The following RBM33 variants were observed in gnomAD, a reference collection of about 807,000 sequenced individuals.
The protein encoded by RBM33 is RNA-binding protein 33.
In RBM33, 28 loss-of-function variants were observed where a neutral mutation model predicts 132.6. That is an observed-to-expected ratio of 0.21 (90% confidence interval 0.16 to 0.29). The LOEUF (loss-of-function observed/expected upper bound fraction) is 0.29. Ranked by LOEUF, RBM33 falls within the 10% of genes least tolerant of loss-of-function variation. RBM33 has a pLI of 1.00. For missense variants in RBM33, 1,291 were observed against 1,518.5 expected (o/e 0.85, Z 2.49); for synonymous variants, 634 against 593.0 (o/e 1.07, Z -1.01).
intron 1 of RBM33, among the ~76,000 whole-genome samples, chr7:155,652,030 A>T (rs1014015573): frequency 6.6e-6 from 1 of 152,238 alleles, no homozygotes; most frequent in African/African-American, 2.4e-5. Flanking sequence ...TGTAAGGCTC[A>T]TATGTTCACT....
intron 9 of RBM33, among the ~76,000 whole-genome samples, chr7:155,730,220 C>A (rs916992436): frequency 6.6e-6 from 1 of 152,156 alleles, no homozygotes; most frequent in Non-Finnish European, 1.5e-5. Flanking sequence ...GGATTGGAGA[C>A]ATTCAAGAGA....
intron 3 of RBM33, among the ~76,000 whole-genome samples, chr7:155,676,052 G>A (rs1799176328): frequency 6.6e-6 from 1 of 152,100 alleles, no homozygotes; most frequent in Non-Finnish European, 1.5e-5. Flanking sequence ...TTCACATGAT[G>A]AGTACACTGG....
Position 155,773,203 on chromosome 7 carries a change from T to G in RBM33, c.3376-1356T>G, listed in dbSNP as rs10264279. 3.3e-5 allele frequency among the ~76,000 whole-genome samples: 5 copies of G among 152,198 alleles called. No homozygotes were observed. The South Asian group carries it at 8.3e-4, about 25-fold the overall frequency. ...GTTTCTGGCCACCAAAAGTGCCTGCTGAATGCAGTCCTTCAGGACAGTGTT... is the reference window on the plus strand; with the variant it reads ...GTTTCTGGCCACCAAAAGTGCCTGCGGAATGCAGTCCTTCAGGACAGTGTT... On this transcript the variant is annotated intron_variant, in intron 16 of 17. Transcript: ENST00000401878.
At position 155,748,781 on chromosome 7, in the gene RBM33, T is replaced by C. The variant is rs190593612; in HGVS notation, c.2979+3179T>C. On this transcript the variant is annotated intron_variant, in intron 14 of 17. Coordinates refer to ENST00000401878, the MANE Select transcript of RBM33 (RefSeq NM_053043.3). ...CTTTCTTGGTGGTCCCCTTTGTGGC[T>C]GCTGCTGCAGTATGCGTGTGCATAG... Among the ~76,000 whole-genome samples the C allele has an allele frequency of 1.4e-3, 213 of 152,220 alleles. 4 individuals are homozygous for C. The highest frequency in any genetic ancestry group is 4.9e-3 in the African/African-American group (204 of 41,528).
intron 2 of RBM33, among the ~76,000 whole-genome samples, chr7:155,667,247 T>C (rs569297722): frequency 3.8e-4 from 58 of 152,224 alleles, no homozygotes; most frequent in Non-Finnish European, 6.2e-4. Flanking sequence ...CAGTTCTATA[T>C]ATGTGAGGTT....
At chr7:155,659,068 A>G (rs1167484942) in intron 1 of RBM33, among the ~76,000 whole-genome samples, 2 of 152,240 alleles carry the variant, frequency 1.3e-5, no homozygotes, top group African/African-American at 2.4e-5. Flanking sequence ...TTAAAAAGCC[A>G]TTAAACAAAT....
chr7:155,718,783 G>A (rs774504664), intron 9 of RBM33, among the ~76,000 whole-genome samples: 3 of 152,116 alleles, frequency 2.0e-5, no homozygotes, highest in Admixed American at 2.0e-4. Flanking sequence ...GTGCATGCAC[G>A]CACAGGCACG....
intron 12 of RBM33, among the ~76,000 whole-genome samples, chr7:155,741,209 C>G (rs1801321579): frequency 6.6e-6 from 1 of 151,576 alleles, no homozygotes; most frequent in Non-Finnish European, 1.5e-5. Context: ...CCTCGGAGAT[C>G]CCCCTGCTTC....
intron 12 of RBM33, 55 bp from the exon 13 acceptor site, chr7:155,741,764 G>T: frequency 2.0e-6 from 3 of 1,498,026 alleles, no homozygotes; most frequent in Non-Finnish European, 2.7e-6. Flanking sequence ...GCCTTTTAAT[G>T]TTCCTTCTGC....
chr7:155,688,689 G>T (rs377541646), intron 5 of RBM33, among the ~76,000 whole-genome samples: 1 of 152,128 alleles, frequency 6.6e-6, no homozygotes, highest in African/African-American at 2.4e-5. Flanking sequence ...AGCATGAAGG[G>T]CTGTTAAATT....
intron 3 of RBM33, among the ~76,000 whole-genome samples, chr7:155,677,236 T>G (rs977976212): frequency 8.6e-6 from 1 of 116,384 alleles, no homozygotes; most frequent in Admixed American, 8.5e-5. Flanking sequence ...TTTTTTTTTT[T>G]GAGATGGAGT....
intron 5 of RBM33, among the ~76,000 whole-genome samples, chr7:155,687,198 T>C (rs1028324088): frequency 2.6e-5 from 4 of 152,222 alleles, no homozygotes; most frequent in African/African-American, 7.2e-5. Context: ...GGTATCTCAT[T>C]GTGGTTTTGA....
chr7:155,745,074 T>C lies in RBM33; in HGVS notation c.2451T>C (p.Gly817=). 1.2e-6 allele frequency: 2 copies of C among 1,604,096 alleles called. No individual in the cohort carries two copies. Among genetic ancestry groups the C allele is most frequent in the South Asian group, 1.1e-5 (1 of 89,776 alleles). Residue 817 remains glycine, a synonymous_variant, in exon 14 of 18, where the codon GGT becomes GGC. Coordinates refer to ENST00000401878, the MANE Select transcript of RBM33 (RefSeq NM_053043.3). The surrounding 1 kb of genome is among the most constrained non-coding windows in gnomAD (Gnocchi z 4.1). The part of the protein sequence containing the change: ...QKELRRQQQA[G]ARKKELLERL... ...AGTTACGGCGGCAGCAGCAGGCTGG[T>C]GCCAGGAAGAAGGAGCTGCTGGAGA...
At chr7:155,711,126 A>C (rs1427002611) in intron 7 of RBM33, 77 bp from the exon 8 acceptor site, 2 of 1,424,610 alleles carry the variant, frequency 1.4e-6, no homozygotes, top group African/African-American at 1.5e-5. Flanking sequence ...GCATTCTTTT[A>C]AATGTTGATT....
At chr7:155,664,405 C>T (rs1004148389) in intron 1 of RBM33, among the ~76,000 whole-genome samples, 1 of 151,388 alleles carries the variant, frequency 6.6e-6, no homozygotes, top group Non-Finnish European at 1.5e-5. Context: ...GGACTACGGA[C>T]GTGCACCTCC....
At chr7:155,738,451 G>A (rs370243183) in intron 11 of RBM33, 48 bp downstream of exon 11, 189 of 1,506,234 alleles carry the variant, frequency 1.3e-4, no homozygotes, top group Non-Finnish European at 1.7e-4. Flanking sequence ...GTAGCTTCAA[G>A]GCTTTGTGTT....
At chr7:155,668,578 A>G (rs1460697126) in intron 2 of RBM33, among the ~76,000 whole-genome samples, 4 of 152,128 alleles carry the variant, frequency 2.6e-5, no homozygotes, top group Admixed American at 6.5e-5. Flanking sequence ...TTGCGTGGTG[A>G]TACCTCTGCT....
intron 8 of RBM33, among the ~76,000 whole-genome samples, chr7:155,714,950 T>A (rs1054910117): frequency 1.3e-5 from 2 of 151,386 alleles, no homozygotes; most frequent in Non-Finnish European, 2.9e-5. Flanking sequence ...CTCTTGACAG[T>A]GTCTGCGGGT....
At position 155,672,898 on chromosome 7, in the gene RBM33, T is replaced by A; in HGVS notation, c.154T>A (p.Leu52Met). The A allele has an allele frequency of 6.5e-7, 1 of 1,549,832 alleles. No homozygotes were observed. The highest frequency in any genetic ancestry group is 1.2e-5 in the South Asian group (1 of 83,724). Reference protein sequence around the residue: ...ELEDDLLGEDLLSGKKNQSDL... With the variant: ...ELEDDLLGEDMLSGKKNQSDL... ...TGAAGATGATTTACTTGGAGAAGAT[T>A]TGCTATCTGGCAAAAAGGTAAGAAG... Residue 52 changes from leucine to methionine, a missense_variant, in exon 3 of 18, where the codon TTG becomes ATG. Physicochemically the swap from Leu to Met is conservative, Grantham distance 15. This residue lies in a region of RBM33 where 194 missense variants were observed against 249.8 expected (regional missense o/e 0.78). Coordinates refer to ENST00000401878, the MANE Select transcript of RBM33 (RefSeq NM_053043.3).
Sources: allele counts gnomAD v4.1 joint callset (sites outside exome capture counted in the v4.1 genomes callset), GRCh38; gene constraint gnomAD v4.1.1; regional missense constraint gnomAD v4.1.1; non-coding constraint Gnocchi (gnomAD v3.1); transcripts MANE v1.5; gene names NCBI Gene and HGNC (gene_info 2026-07-23, HGNC 2026-07-21).